Variants in AGMO observed in about 807,000 individuals in gnomAD.
AGMO encodes the protein alkylglycerol monooxygenase.
AGMO carries 75 observed loss-of-function variants against 60.2 expected under a neutral mutation model. The ratio of observed to expected loss-of-function variants is 1.25; its 90% CI spans 1.03 to 1.51. The LOEUF is 1.51. Ranked by LOEUF, AGMO falls within the 40% of genes most tolerant of loss-of-function variation. The pLI is 0.00. For missense variants in AGMO, 763 were observed against 525.5 expected, an observed-to-expected ratio of 1.45 and a Z score of -4.42; for synonymous variants, 261 against 177.1, an observed-to-expected ratio of 1.47 and a Z score of -3.76.
the AGMO span, among the ~76,000 whole-genome samples, chr7:15,134,177 T>A: frequency 6.6e-6 from 1 of 152,108 alleles, no homozygotes; most frequent in East Asian, 1.9e-4. Flanking sequence ...TCTTTTTTCT[T>A]TTCTGAGACA....
intron 12 of AGMO, among the ~76,000 whole-genome samples, chr7:15,348,181 C>T (rs1056730516): frequency 2.6e-5 from 4 of 152,044 alleles, no homozygotes; most frequent in African/African-American, 9.7e-5. Flanking sequence ...AGCACAGTCT[C>T]ATGTTCTCCC....
chr7:15,441,151 G>GT (rs1781543925), intron 3 of AGMO, among the ~76,000 whole-genome samples: 2 of 152,294 alleles, frequency 1.3e-5, no homozygotes, highest in South Asian at 4.1e-4. Context: ...TTCCAGAAAT[G>GT]TAACAGGCCA....
the AGMO span, among the ~76,000 whole-genome samples, chr7:15,147,030 C>T: frequency 6.6e-6 from 1 of 152,180 alleles, no homozygotes; most frequent in East Asian, 1.9e-4. Context: ...AAAAAACCCA[C>T]AATGGCTTAA....
At chr7:15,180,095 T>G in the AGMO span, among the ~76,000 whole-genome samples, 1 of 152,188 alleles carries the variant, frequency 6.6e-6, no homozygotes, top group African/African-American at 2.4e-5. Context: ...CTTTATTATG[T>G]TGATGACTAA....
intron 8 of AGMO, among the ~76,000 whole-genome samples, chr7:15,387,926 A>G (rs1474104905): frequency 1.6e-5 from 2 of 125,298 alleles, no homozygotes; most frequent in Non-Finnish European, 3.3e-5. Flanking sequence ...TTTTTTCCCC[A>G]AGACAGAGTC....
intron 12 of AGMO, among the ~76,000 whole-genome samples, chr7:15,227,447 C>G (rs1021025698): frequency 6.7e-6 from 1 of 150,068 alleles, no homozygotes; most frequent in Non-Finnish European, 1.5e-5. Flanking sequence ...ACAACAACAA[C>G]AACAACAAAA....
At chr7:15,176,648 T>G in the AGMO span, among the ~76,000 whole-genome samples, 2 of 151,970 alleles carry the variant, frequency 1.3e-5, no homozygotes, top group Non-Finnish European at 2.9e-5. Context: ...TAACACATCC[T>G]TCACTAGACT....
At chr7:15,505,916 A>G (rs1192029526) in intron 3 of AGMO, among the ~76,000 whole-genome samples, 1 of 152,066 alleles carries the variant, frequency 6.6e-6, no homozygotes. Flanking sequence ...GCATGATCCA[A>G]AATTCAGTAC....
chr7:15,123,592 T>C, the AGMO span, among the ~76,000 whole-genome samples: 58 of 152,226 alleles, frequency 3.8e-4, no homozygotes, highest in African/African-American at 1.4e-3. Flanking sequence ...CTTTTGATAA[T>C]GTATAAATAG....
intron 5 of AGMO, among the ~76,000 whole-genome samples, chr7:15,404,741 A>G (rs1007673322): frequency 7.2e-5 from 11 of 151,864 alleles, no homozygotes; most frequent in African/African-American, 2.4e-4. Context: ...CTGTATTGTG[A>G]CTGCCATTAT....
At chr7:15,121,733 T>C in the AGMO span, among the ~76,000 whole-genome samples, 5 of 152,020 alleles carry the variant, frequency 3.3e-5, no homozygotes, top group Non-Finnish European at 7.4e-5. Flanking sequence ...AACTGATATA[T>C]AGACCAATGG....
chr7:15,216,501 C>T (rs768105457), intron 12 of AGMO, among the ~76,000 whole-genome samples: 17 of 152,014 alleles, frequency 1.1e-4, no homozygotes, highest in East Asian at 7.7e-4. Flanking sequence ...TAAACTTTCA[C>T]GGTCAAAGAA....
the AGMO span, among the ~76,000 whole-genome samples, chr7:15,176,364 G>A: frequency 3.3e-5 from 5 of 151,946 alleles, no homozygotes; most frequent in Admixed American, 1.3e-4. Context: ...CCTTGAGCAC[G>A]TAAATATGCC....
intron 9 of AGMO, 41 bp downstream of exon 9, chr7:15,387,365 A>T: frequency 6.2e-7 from 1 of 1,600,188 alleles, no homozygotes; most frequent in Non-Finnish European, 8.5e-7. Flanking sequence ...TGACAATATG[A>T]GACAATCTTC....
the AGMO span, among the ~76,000 whole-genome samples, chr7:15,161,400 CTCTA>C: frequency 7.3e-4 from 111 of 151,962 alleles, no homozygotes; most frequent in Non-Finnish European, 1.1e-3. Context: ...CCTTAAATCT[CTCTA>C]TCTCTCTCTC....
chr7:15,285,960 A>G (rs1018915676), intron 12 of AGMO, among the ~76,000 whole-genome samples: 5 of 152,110 alleles, frequency 3.3e-5, no homozygotes, highest in African/African-American at 9.7e-5. Context: ...AGCATTCAAA[A>G]ATATAAATTG....
In AGMO at chr7:15,456,617, G is replaced by A. The variant is rs10268875; in HGVS notation, c.410-25509C>T. On this transcript the variant is annotated intron_variant, in intron 3 of 12. Transcript: ENST00000342526. ...CTTCTCCTGAGTAAGGAAATAGTTCGCTCAGCTGTGCTGACAATCTGGGGA... is the reference window on the plus strand; with the variant it reads ...CTTCTCCTGAGTAAGGAAATAGTTCACTCAGCTGTGCTGACAATCTGGGGA... Among the ~76,000 whole-genome samples the A allele has an allele frequency of 1.4e-4, 22 of 152,130 alleles. No individual in the cohort carries two copies. The East Asian group carries it at 3.1e-3, about 21-fold the overall frequency.
At position 15,365,559 on chromosome 7, in the gene AGMO, A is replaced by G. The variant is rs573758157; in HGVS notation, c.1218T>C (p.Phe406=). Reference sequence around the variant, plus strand: ...AAGGGACAAGAGGCTTCAGGTGACCAAATCGGTACAGCATTAAGAACATCA... The same window carrying G: ...AAGGGACAAGAGGCTTCAGGTGACCGAATCGGTACAGCATTAAGAACATCA... ...RCLMFLMLYR[F]GHLKPLVPSL... Residue 406 remains phenylalanine, a synonymous_variant, in exon 12 of 13, where the codon TTT becomes TTC. Coordinates refer to ENST00000342526, the MANE Select transcript of AGMO (RefSeq NM_001004320.2). The G allele has an allele frequency of 6.2e-7, 1 of 1,612,866 alleles. No homozygotes were observed. The highest frequency in any genetic ancestry group is 1.7e-5 in the Admixed American group (1 of 59,950).
intron 5 of AGMO, among the ~76,000 whole-genome samples, chr7:15,417,555 T>C (rs981361781): frequency 7.2e-5 from 11 of 152,240 alleles, no homozygotes; most frequent in African/African-American, 1.9e-4. Context: ...AGAGTCAGAA[T>C]TGGCCGCAAC....
Sources: gnomAD v4.1 joint callset for allele counts (sites outside exome capture counted in the v4.1 genomes callset) on GRCh38, gnomAD v4.1.1 for gene constraint, MANE v1.5 for transcripts, NCBI Gene and HGNC (gene_info 2026-07-23, HGNC 2026-07-21) for gene names.